Variants in ERBB4 observed in about 807,000 individuals in gnomAD.
The protein encoded by ERBB4 is erb-b2 receptor tyrosine kinase 4.
Under a neutral mutation model 158.0 loss-of-function variants are expected in ERBB4, and 42 were observed. The observed-to-expected ratio is 0.27, with a 90% CI of 0.21 to 0.34. ERBB4 has a LOEUF of 0.34. ERBB4 is among the 10% of genes least tolerant of loss of function. ERBB4 has a pLI of 1.00. For missense variants in ERBB4, 1,333 were observed against 1,624.1 expected (o/e 0.82, Z 3.08); for synonymous variants, 583 against 558.7 (o/e 1.04, Z -0.61).
intron 20 of ERBB4, among the ~76,000 whole-genome samples, chr2:211,524,674 CG>C (rs1219294396): frequency 7.4e-6 from 1 of 135,238 alleles, no homozygotes; most frequent in Non-Finnish European, 1.5e-5. Context: ...GCTCCGAGTG[CG>C]GGGCCGCCAA....
intron 27 of ERBB4, among the ~76,000 whole-genome samples, chr2:211,385,434 A>G (rs764316721): frequency 1.3e-5 from 2 of 152,142 alleles, no homozygotes; most frequent in Non-Finnish European, 2.9e-5. Flanking sequence ...TTCTTATTCT[A>G]CTGCACTGTT....
chr2:212,340,625 T>A (rs1176655879), intron 1 of ERBB4, among the ~76,000 whole-genome samples: 1 of 152,194 alleles, frequency 6.6e-6, no homozygotes, highest in Non-Finnish European at 1.5e-5. Flanking sequence ...ATACTACTGC[T>A]GATCTGACAG....
intron 15 of ERBB4, among the ~76,000 whole-genome samples, chr2:211,661,133 T>C (rs2071408327): frequency 6.6e-6 from 1 of 152,092 alleles, no homozygotes; most frequent in Non-Finnish European, 1.5e-5. Context: ...TTCAAACCTA[T>C]TTTTAAACTG....
intron 19 of ERBB4, among the ~76,000 whole-genome samples, chr2:211,616,232 G>A (rs1173439365): frequency 3.3e-5 from 5 of 152,100 alleles, no homozygotes; most frequent in South Asian, 4.1e-4. Flanking sequence ...ATTTTGAGGT[G>A]TATGTCCTAC....
chr2:211,604,243 T>C (rs1393695600), intron 19 of ERBB4, among the ~76,000 whole-genome samples: 1 of 152,188 alleles, frequency 6.6e-6, no homozygotes, highest in Non-Finnish European at 1.5e-5. Context: ...ACTCAGCTTA[T>C]ATAAACATAG....
chr2:212,407,499 C>A (rs1053291709), intron 1 of ERBB4, among the ~76,000 whole-genome samples: 2 of 151,956 alleles, frequency 1.3e-5, no homozygotes, highest in African/African-American at 4.8e-5. Flanking sequence ...AGGGTTTGAT[C>A]CCAAGCACTC....
chr2:211,400,320 A>T (rs1178485417), intron 25 of ERBB4, among the ~76,000 whole-genome samples: 3 of 151,822 alleles, frequency 2.0e-5, no homozygotes, highest in Non-Finnish European at 4.4e-5. Flanking sequence ...TTCTCCAGTG[A>T]CATAAAGAAA....
chr2:212,268,045 C>A (rs1014605112), intron 1 of ERBB4, among the ~76,000 whole-genome samples: 2 of 151,838 alleles, frequency 1.3e-5, no homozygotes, highest in Admixed American at 1.3e-4. Flanking sequence ...ACTTAAACAT[C>A]ACCACTATAT....
chr2:211,983,774 C>G (rs1001256604), intron 2 of ERBB4, among the ~76,000 whole-genome samples: 1 of 152,080 alleles, frequency 6.6e-6, no homozygotes, highest in East Asian at 1.9e-4. Flanking sequence ...CATTGACTTT[C>G]AAGTATTTGA....
chr2:212,345,897 G>A (rs563234983), intron 1 of ERBB4, among the ~76,000 whole-genome samples: 1 of 152,066 alleles, frequency 6.6e-6, no homozygotes, highest in South Asian at 2.1e-4. Flanking sequence ...GAAAATGAAG[G>A]TCAGAAAATA....
intron 20 of ERBB4, among the ~76,000 whole-genome samples, chr2:211,504,962 AAACT>A (rs1238811732): frequency 6.6e-6 from 1 of 152,162 alleles, no homozygotes; most frequent in African/African-American, 2.4e-5. Context: ...AAAAGCAACC[AAACT>A]GAAGACTTAA....
intron 20 of ERBB4, among the ~76,000 whole-genome samples, chr2:211,483,677 G>A (rs1276980525): frequency 6.6e-6 from 1 of 152,016 alleles, no homozygotes; most frequent in Non-Finnish European, 1.5e-5. Flanking sequence ...TCAGCCTCCT[G>A]AGTAGCTGAG....
At chr2:211,848,911 C>T (rs1242273976) in intron 3 of ERBB4, among the ~76,000 whole-genome samples, 1 of 152,100 alleles carries the variant, frequency 6.6e-6, no homozygotes, top group African/African-American at 2.4e-5. Flanking sequence ...CCTTATTCTT[C>T]ATGGTACATA....
intron 13 of ERBB4, among the ~76,000 whole-genome samples, chr2:211,675,180 T>C (rs2072010289): frequency 6.6e-6 from 1 of 151,224 alleles, no homozygotes; most frequent in Non-Finnish European, 1.5e-5. Flanking sequence ...GATTTAACAA[T>C]TTATAGTCTA....
intron 9 of ERBB4, 121 bp from the exon 10 acceptor site, chr2:211,705,512 C>A: frequency 1.4e-6 from 1 of 725,212 alleles, no homozygotes; most frequent in Non-Finnish European, 2.5e-6. Flanking sequence ...GTTATCAATG[C>A]ATGTTTAAAT....
chr2:212,186,755 TA>T (rs1575767899), intron 1 of ERBB4, among the ~76,000 whole-genome samples: 1 of 152,266 alleles, frequency 6.6e-6, no homozygotes, highest in Non-Finnish European at 1.5e-5. Context: ...TTATTTTTTT[TA>T]AATGAACATA....
intron 19 of ERBB4, among the ~76,000 whole-genome samples, chr2:211,575,568 G>T (rs559105241): frequency 1.4e-4 from 22 of 152,290 alleles, no homozygotes; most frequent in African/African-American, 4.6e-4. Flanking sequence ...ACTTGGGAAA[G>T]TAGTATGCAT....
At chr2:211,431,378 T>C (rs2063745574) in intron 20 of ERBB4, among the ~76,000 whole-genome samples, 1 of 152,168 alleles carries the variant, frequency 6.6e-6, no homozygotes, top group Non-Finnish European at 1.5e-5. Context: ...TGATATCCTT[T>C]TGCAAACTCT....
intron 1 of ERBB4, among the ~76,000 whole-genome samples, chr2:212,203,805 G>T (rs1479961824): frequency 6.6e-6 from 1 of 152,090 alleles, no homozygotes; most frequent in Non-Finnish European, 1.5e-5. Context: ...CATTCAGGTG[G>T]CACAAAGATA....
Sources: allele counts gnomAD v4.1 joint callset (sites outside exome capture counted in the v4.1 genomes callset), GRCh38; gene constraint gnomAD v4.1.1; transcripts MANE v1.5; gene names NCBI Gene and HGNC (gene_info 2026-07-23, HGNC 2026-07-21).